Variants in CAMK1D observed in about 807,000 individuals in gnomAD.
The protein encoded by CAMK1D is calcium/calmodulin dependent protein kinase ID.
Under a neutral mutation model 47.7 loss-of-function variants are expected in CAMK1D, and 9 were observed. The observed-to-expected ratio is 0.19, with a 90% CI of 0.11 to 0.33. The LOEUF is 0.33. CAMK1D is among the 10% of genes least tolerant of loss of function. CAMK1D has a pLI of 1.00. For synonymous variants in CAMK1D, 184 were observed against 184.9 expected (o/e 0.99, Z 0.04); for missense variants, 291 against 488.7 (o/e 0.60, Z 3.81).
chr10:12,412,346 A>G (rs1249023819), intron 1 of CAMK1D, among the ~76,000 whole-genome samples: 1 of 151,468 alleles, frequency 6.6e-6, no homozygotes. Context: ...GCGGTGGCTC[A>G]TGCCTGTAAT....
At chr10:12,568,926 CA>C (rs1209863155) in intron 2 of CAMK1D, among the ~76,000 whole-genome samples, 3 of 152,070 alleles carry the variant, frequency 2.0e-5, no homozygotes, top group Non-Finnish European at 4.4e-5. Flanking sequence ...ACAACTTTTT[CA>C]AAAAGATAAT....
At chr10:12,796,287 G>T (rs1181878505) in intron 6 of CAMK1D, among the ~76,000 whole-genome samples, 1 of 152,088 alleles carries the variant, frequency 6.6e-6, no homozygotes, top group Non-Finnish European at 1.5e-5. Flanking sequence ...GGCCATGGGT[G>T]GGGAGACCTC....
At chr10:12,648,322 TC>T (rs530996504) in intron 2 of CAMK1D, among the ~76,000 whole-genome samples, 42 of 152,170 alleles carry the variant, frequency 2.8e-4, no homozygotes, top group African/African-American at 9.9e-4. Flanking sequence ...ATTCCCAGGT[TC>T]CCCCTGCCTA....
Position 12,674,599 on chromosome 10 carries a change from CTTTTTTT to C in CAMK1D, c.299+7801_299+7807del, listed in dbSNP as rs11391139. Among the ~76,000 whole-genome samples the C allele has an allele frequency of 5.7e-4, 36 of 63,472 alleles. 1 individual carries two copies. The highest frequency in any genetic ancestry group is 6.7e-4 in the Non-Finnish European group (24 of 35,676). 41.6% of individuals were successfully genotyped at this position (63,472 alleles called of 152,430 possible). ...TTTTATTTGGGTTTTTGGAAAAATG[CTTTTTTT>C]TTTTTTTTTTTCAGAATTCTGTTTT... On this transcript the variant is annotated intron_variant, in intron 3 of 10. Transcript: ENST00000619168.
At chr10:12,361,651 G>A (rs1254437985) in intron 1 of CAMK1D, among the ~76,000 whole-genome samples, 1 of 147,486 alleles carries the variant, frequency 6.8e-6, no homozygotes, top group Non-Finnish European at 1.5e-5. Context: ...TGCCTCCTGG[G>A]TTCAAGTGAT....
chr10:12,679,827 G>A (rs978813387), intron 3 of CAMK1D, among the ~76,000 whole-genome samples: 44 of 152,094 alleles, frequency 2.9e-4, no homozygotes, highest in African/African-American at 1.1e-3. Flanking sequence ...CCAGCACCCG[G>A]GCATATCCCC....
intron 3 of CAMK1D, 79 bp downstream of exon 3, chr10:12,666,889 G>A: frequency 8.5e-7 from 1 of 1,179,852 alleles, no homozygotes; most frequent in South Asian, 1.3e-5. Flanking sequence ...GGGAAAAGAA[G>A]TGATTGAAGT....
At chr10:12,640,990 A>G (rs1394368489) in intron 2 of CAMK1D, among the ~76,000 whole-genome samples, 1 of 152,054 alleles carries the variant, frequency 6.6e-6, no homozygotes, top group Non-Finnish European at 1.5e-5. Context: ...ACAGAATCCC[A>G]CCTTGTTGCC....
chr10:12,487,977 A>G (rs1447447917), intron 1 of CAMK1D, among the ~76,000 whole-genome samples: 1 of 152,172 alleles, frequency 6.6e-6, no homozygotes, highest in East Asian at 1.9e-4. Context: ...ACTTCACTTG[A>G]TGAACACAAG....
At chr10:12,748,428 G>A (rs1835779916) in intron 3 of CAMK1D, among the ~76,000 whole-genome samples, 1 of 152,198 alleles carries the variant, frequency 6.6e-6, no homozygotes, top group Non-Finnish European at 1.5e-5. Flanking sequence ...CCACGGGCAG[G>A]GATGGGGGCA....
chr10:12,563,664 T>TGAGAGAGAGAGAGAGA (rs373932374), intron 2 of CAMK1D, among the ~76,000 whole-genome samples: 1,715 of 129,814 alleles, frequency 0.013, 25 homozygotes, highest in East Asian at 0.023. Context: ...GCGGAAGGTT[T>TGAGAGAGAGAGAGAGA]GAGAGAGAGA....
At chr10:12,362,652 G>C (rs552024605) in intron 1 of CAMK1D, among the ~76,000 whole-genome samples, 5 of 151,978 alleles carry the variant, frequency 3.3e-5, no homozygotes, top group South Asian at 4.2e-4. Flanking sequence ...CGCCCGCCAT[G>C]ATGCCTGGCT....
intron 3 of CAMK1D, among the ~76,000 whole-genome samples, chr10:12,689,160 G>A (rs1014623783): frequency 6.6e-6 from 1 of 152,154 alleles, no homozygotes; most frequent in Non-Finnish European, 1.5e-5. Flanking sequence ...CACTCTGTTG[G>A]GGTGACTCTC....
intron 1 of CAMK1D, among the ~76,000 whole-genome samples, chr10:12,350,608 T>C (rs991017580): frequency 6.6e-6 from 1 of 152,216 alleles, no homozygotes; most frequent in Non-Finnish European, 1.5e-5. Flanking sequence ...TGCTGATGGC[T>C]GTGTCTCAAG....
chr10:12,816,234 C>T lies in CAMK1D; in HGVS notation c.755-16C>T. ...TCGCAAAGTGATTCCTTCCCTTGTG[C>T]CTTCTTTTTGAACAGCAAAAGACTT... On this transcript the variant is annotated splice_polypyrimidine_tract_variant and intron_variant, in intron 7 of 10. Coordinates refer to ENST00000619168, the MANE Select transcript of CAMK1D (RefSeq NM_153498.4). The T allele has an allele frequency of 6.2e-7, 1 of 1,611,126 alleles. No homozygotes were observed. Among genetic ancestry groups the T allele is most frequent in the Non-Finnish European group, 8.5e-7 (1 of 1,177,708 alleles).
chr10:12,779,639 C>G (rs1202028264), intron 5 of CAMK1D, among the ~76,000 whole-genome samples: 1 of 152,132 alleles, frequency 6.6e-6, no homozygotes, highest in Non-Finnish European at 1.5e-5. Context: ...CTTTGTTGCT[C>G]AGGCTGGTCT....
At chr10:12,642,216 A>G (rs1839687205) in intron 2 of CAMK1D, among the ~76,000 whole-genome samples, 1 of 152,164 alleles carries the variant, frequency 6.6e-6, no homozygotes, top group African/African-American at 2.4e-5. Flanking sequence ...CATTCATCAC[A>G]TTTCTATACT....
At chr10:12,807,671 C>A (rs532464505) in intron 6 of CAMK1D, among the ~76,000 whole-genome samples, 1 of 152,236 alleles carries the variant, frequency 6.6e-6, no homozygotes, top group South Asian at 2.1e-4. Flanking sequence ...GTCCTGCATT[C>A]TTCACACAGT....
chr10:12,407,391 C>T (rs1231565577), intron 1 of CAMK1D, among the ~76,000 whole-genome samples: 1 of 152,250 alleles, frequency 6.6e-6, no homozygotes, highest in African/African-American at 2.4e-5. Flanking sequence ...TCACCATCCC[C>T]TACCTCAAGC....
Sources: gnomAD v4.1 joint callset for allele counts (sites outside exome capture counted in the v4.1 genomes callset) on GRCh38, gnomAD v4.1.1 for gene constraint, MANE v1.5 for transcripts, NCBI Gene and HGNC (gene_info 2026-07-23, HGNC 2026-07-21) for gene names.